ZNF106: variants seen among roughly 807,000 people sequenced by gnomAD.
The protein encoded by ZNF106 is zinc finger protein 106, also known as SH3-domain binding protein 3.
A neutral mutation model predicts 195.1 loss-of-function variants in ZNF106; 67 were observed. That is an observed-to-expected ratio of 0.34 (90% CI 0.28 to 0.42). The LOEUF is 0.42. ZNF106 is among the 10% of genes least tolerant of loss of function. The pLI, the probability that ZNF106 is intolerant of heterozygous loss-of-function variation, is 1.00. For synonymous variants in ZNF106, 784 were observed against 818.6 expected (o/e 0.96, Z 0.72); for missense variants, 2,118 against 2,304.5 (o/e 0.92, Z 1.66).
intron 10 of ZNF106, 152 bp from the exon 11 acceptor site, chr15:42,439,965 T>C: frequency 1.3e-6 from 1 of 743,518 alleles, no homozygotes; most frequent in South Asian, 2.2e-5. Flanking sequence ...ATCACCTACA[T>C]ACACTCCTAT....
chr15:42,440,514 G>A (rs942932951), intron 10 of ZNF106, among the ~76,000 whole-genome samples: 11 of 151,950 alleles, frequency 7.2e-5, no homozygotes, highest in Non-Finnish European at 1.5e-4. Flanking sequence ...AATGGAAAAA[G>A]TCAGGTTATA....
intron 1 of ZNF106, among the ~76,000 whole-genome samples, chr15:42,484,594 C>T (rs2056968831): frequency 6.6e-6 from 1 of 152,082 alleles, no homozygotes; most frequent in Admixed American, 6.6e-5. Flanking sequence ...AAAAATTAGC[C>T]AGGCGTGGTG....
At chr15:42,425,057 C>T (rs779938255) in intron 15 of ZNF106, 32 bp from the exon 16 acceptor site, 2 of 1,603,276 alleles carry the variant, frequency 1.2e-6, no homozygotes, top group South Asian at 1.1e-5. Context: ...CAGCTAAAAC[C>T]AACTTAGCTG....
At chr15:42,434,456 T>C (rs2055193746) in intron 14 of ZNF106, among the ~76,000 whole-genome samples, 1 of 152,224 alleles carries the variant, frequency 6.6e-6, no homozygotes, top group Non-Finnish European at 1.5e-5. Context: ...ATTATATTTT[T>C]AAAATTATAA....
At chr15:42,465,992 C>G (rs1226131185) in intron 3 of ZNF106, 61 bp downstream of exon 3, 6 of 1,336,630 alleles carry the variant, frequency 4.5e-6, no homozygotes, top group Non-Finnish European at 6.1e-6. Flanking sequence ...AACTGACAGG[C>G]ACCATCATCA....
intron 14 of ZNF106, 44 bp downstream of exon 14, chr15:42,435,340 G>A (rs758174603): frequency 4.7e-5 from 76 of 1,612,426 alleles, no homozygotes; most frequent in Non-Finnish European, 6.4e-5. Flanking sequence ...AAATACAAAG[G>A]CGACTCAATA....
chr15:42,483,286 G>A (rs2056943442), intron 1 of ZNF106, among the ~76,000 whole-genome samples: 1 of 152,200 alleles, frequency 6.6e-6, no homozygotes, highest in Non-Finnish European at 1.5e-5. Flanking sequence ...CCTATGACCA[G>A]AACAGGACTC....
intron 1 of ZNF106, among the ~76,000 whole-genome samples, chr15:42,478,749 C>T (rs1228554029): frequency 1.3e-5 from 2 of 151,846 alleles, no homozygotes; most frequent in Non-Finnish European, 2.9e-5. Context: ...TGACCTCAGG[C>T]TATCTGCCCT....
intron 1 of ZNF106, among the ~76,000 whole-genome samples, chr15:42,483,501 T>C (rs1002485835): frequency 3.2e-4 from 49 of 152,282 alleles, no homozygotes; most frequent in Admixed American, 1.0e-3. Flanking sequence ...CCTACCTCAA[T>C]TTTACGGTGC....
At chr15:42,438,998 A>C (rs758640850) in intron 11 of ZNF106, 35 bp downstream of exon 11, 9 of 1,548,534 alleles carry the variant, frequency 5.8e-6, no homozygotes, top group Non-Finnish European at 6.9e-6. Context: ...AAGTTGGTGA[A>C]AGTTGTTCTG....
chr15:42,472,458 G>A (rs1157623674), intron 1 of ZNF106, 137 bp from the exon 2 acceptor site: 5 of 604,562 alleles, frequency 8.3e-6, no homozygotes, highest in South Asian at 7.3e-5. Context: ...GTTTCCAGGT[G>A]CATAGGGTAA....
At chr15:42,471,846 G>C (rs1196649499) in intron 2 of ZNF106, among the ~76,000 whole-genome samples, 1 of 152,180 alleles carries the variant, frequency 6.6e-6, no homozygotes, top group Non-Finnish European at 1.5e-5. Flanking sequence ...CAGATTGTAG[G>C]TACATATAAT....
chr15:42,431,330 T>A (rs1265752610), intron 14 of ZNF106, among the ~76,000 whole-genome samples: 1 of 151,864 alleles, frequency 6.6e-6, no homozygotes, highest in African/African-American at 2.4e-5. Flanking sequence ...TCTGCAATTT[T>A]GAGTGGAATG....
At chr15:42,478,252 C>T (rs539930105) in intron 1 of ZNF106, among the ~76,000 whole-genome samples, 45 of 152,284 alleles carry the variant, frequency 3.0e-4, no homozygotes, top group Middle Eastern at 3.4e-3. Context: ...CAACCTCTGC[C>T]TCCTGGGTTC....
Position 42,451,713 on chromosome 15 carries a change from G to A in ZNF106, c.559C>T (p.His187Tyr), listed in dbSNP as rs140738723. Residue 187 changes from histidine (H) to tyrosine (Y), a missense_variant, in exon 5 of 22, where the codon CAT (histidine) becomes TAT (tyrosine). Coordinates refer to ENST00000564754, the MANE Select transcript of ZNF106 (RefSeq NM_001366845.3). ...GGGPRGRSGW[H>Y]KGVAGGSSTW... ...GAGGAGCCTCCTGCAACACCCTTAT[G>A]CCACCCGGAACGTCCTCTTGGTCCA... is the stretch of plus-strand genomic sequence containing the variant. 235 of 1,614,172 alleles carry A rather than the reference G, an allele frequency of 1.5e-4. 1 individual carries two copies. The African/African-American group carries it at 2.9e-3, about 20-fold the overall frequency.
intron 1 of ZNF106, among the ~76,000 whole-genome samples, chr15:42,479,024 G>T (rs144371004): frequency 1.1e-3 from 167 of 152,308 alleles, no homozygotes; most frequent in Admixed American, 3.1e-3. Context: ...TTATTTGGAA[G>T]ATTCACTGAA....
chr15:42,422,382 G>T, intron 18 of ZNF106, 119 bp downstream of exon 18: 2 of 1,302,688 alleles, frequency 1.5e-6, no homozygotes, highest in Non-Finnish European at 2.1e-6. Context: ...TATCTAGAAT[G>T]CTTGTGAAAA....
chr15:42,489,712 A>G (rs1375064289), intron 1 of ZNF106, among the ~76,000 whole-genome samples: 1 of 152,168 alleles, frequency 6.6e-6, no homozygotes, highest in African/African-American at 2.4e-5. Flanking sequence ...TGCTATTTAC[A>G]ACAGTACTAA....
Position 42,451,249 on chromosome 15 carries a change from C to T in ZNF106, c.1023G>A (p.Gln341=). Residue 341 remains glutamine, a synonymous_variant, in exon 5 of 22, where the codon CAG becomes CAA. Coordinates refer to ENST00000564754, the MANE Select transcript of ZNF106 (RefSeq NM_001366845.3). ...CTTGTTTAGTGGTTTGGCTTTCCAG[C>T]TGCTCAAAATTGAAGTCGAGTAAGC... ...SEGLLDFNFE[Q]LESQTTKQAD... is the part of the protein sequence containing the mutation. 1 of 1,614,134 alleles carries T rather than the reference C, an allele frequency of 6.2e-7. No individual in the cohort carries two copies. Among genetic ancestry groups the T allele is most frequent in the Non-Finnish European group, 8.5e-7 (1 of 1,180,022 alleles).
Sources: gnomAD v4.1 joint callset for allele counts (sites outside exome capture counted in the v4.1 genomes callset) on GRCh38, gnomAD v4.1.1 for gene constraint, MANE v1.5 for transcripts, NCBI Gene and HGNC (gene_info 2026-07-23, HGNC 2026-07-21) for gene names.